PECAM1: variants seen among roughly 807,000 people sequenced by gnomAD.
PECAM1 encodes platelet and endothelial cell adhesion molecule 1, also known as platelet endothelial cell adhesion molecule.
Under a neutral mutation model 13.8 loss-of-function variants are expected in PECAM1, and 8 were observed. The ratio of observed to expected loss-of-function variants is 0.58; its 90% CI spans 0.34 to 1.05. The LOEUF is 1.05. Ranked by LOEUF, PECAM1 falls within the 50% of genes least tolerant of loss-of-function variation. The probability of loss-of-function intolerance (pLI) is 0.03; values close to 1 mark genes in which losing one functional copy is unlikely to be tolerated. For synonymous variants in PECAM1, 136 were observed against 52.6 expected (o/e 2.58, Z -6.86); for missense variants, 304 against 141.2 (o/e 2.15, Z -5.84).
intron 12 of PECAM1, among the ~76,000 whole-genome samples, chr17:64,349,623 G>A (rs1205418588): frequency 2.7e-5 from 4 of 146,646 alleles, no homozygotes; most frequent in Non-Finnish European, 6.0e-5. Flanking sequence ...GCAGTGGCTC[G>A]CGCCTGTAAT....
At chr17:64,352,587 G>A in intron 10 of PECAM1, 124 bp from the exon 11 acceptor site, 1 of 391,958 alleles carries the variant, frequency 2.6e-6, no homozygotes, top group East Asian at 3.7e-5. Flanking sequence ...AGTTTTCCAA[G>A]GTAAGGAAAA....
chr17:64,357,041 A>G, intron 7 of PECAM1, among the ~76,000 whole-genome samples: 1 of 152,050 alleles, frequency 6.6e-6, no homozygotes, highest in Admixed American at 6.6e-5. Context: ...CTCTTCCTCC[A>G]CGCTCCCAAT....
At chr17:64,335,138 T>A (rs1384666687) in intron 14 of PECAM1, among the ~76,000 whole-genome samples, 2 of 152,032 alleles carry the variant, frequency 1.3e-5, no homozygotes, top group African/African-American at 4.8e-5. Flanking sequence ...AAACTATTGA[T>A]GTTTTAATAA....
At chr17:64,324,042 T>C (rs2034875832) in intron 15 of PECAM1, 197 bp from the exon 16 acceptor site, 7 of 850,920 alleles carry the variant, frequency 8.2e-6, no homozygotes, top group Non-Finnish European at 1.9e-6. Flanking sequence ...CAGATACACG[T>C]GGCCCCTCAG....
chr17:64,385,125 A>AAAGTTT (rs2143909051), intron 2 of PECAM1, among the ~76,000 whole-genome samples: 1 of 152,334 alleles, frequency 6.6e-6, no homozygotes, highest in South Asian at 2.1e-4. Context: ...CTGAACCCAA[A>AAAGTTT]AAGTTTCAGG....
Position 64,380,914 on chromosome 17 carries a change from G to A in PECAM1, c.92-2797C>T, listed in dbSNP as rs934611403. On this transcript the variant is annotated intron_variant, in intron 2 of 15. Transcript: ENST00000563924. ...AGGCAGGGGAATCACTTGAACCTGG[G>A]AGGCACAGGTTGCAGTAAGTTGAGA... Among the ~76,000 whole-genome samples the A allele has an allele frequency of 8.5e-3, 1,299 of 152,240 alleles. 29 individuals are homozygous for A. Among genetic ancestry groups the A allele is most frequent in the African/African-American group, 0.029 (1,212 of 41,528 alleles).
rs1010947074 is a variant in PECAM1 at position 64,387,806 on chromosome 17, C to A, written c.91+2683G>T. On this transcript the variant is annotated intron_variant, in intron 2 of 15. Transcript: ENST00000563924. ...GAGGTGAGGCAGCTGCAGTGAGGTG[C>A]GGGCTGGAGGGGAACAAAGAGGCCT... Among the ~76,000 whole-genome samples the A allele has an allele frequency of 5.9e-5, 9 of 152,132 alleles. No individual in the cohort carries two copies. The South Asian group carries it at 1.9e-3, about 32-fold the overall frequency.
At chr17:64,384,737 A>C (rs916423979) in intron 2 of PECAM1, among the ~76,000 whole-genome samples, 5 of 152,100 alleles carry the variant, frequency 3.3e-5, no homozygotes, top group African/African-American at 1.2e-4. Flanking sequence ...GCACCACCCA[A>C]CTCAGCCACT....
intron 9 of PECAM1, among the ~76,000 whole-genome samples, chr17:64,354,435 C>G (rs1285099971): frequency 6.6e-6 from 1 of 152,108 alleles, no homozygotes; most frequent in Admixed American, 6.6e-5. Flanking sequence ...ACCAGAGGCT[C>G]CAAAAGAACC....
rs146132570 is a variant in PECAM1 at position 64,320,282 on chromosome 17, G to A, written c.*3534C>T. ...GACTCTCAAAGACTGAGTCAGGCCA[G>A]TGGGAGCCTGGCAGCAATTCTTAGG... On this transcript the variant is annotated 3_prime_UTR_variant, in exon 16 of 16. Coordinates refer to ENST00000563924, the MANE Select transcript of PECAM1 (RefSeq NM_000442.5). The A allele has an allele frequency of 4.2e-4, 64 of 152,490 alleles. No individual in the cohort carries two copies. The highest frequency in any genetic ancestry group is 1.4e-3 in the African/African-American group (58 of 41,578). The allele number at this position is 152,490 out of a possible 1,614,324, so 9.4% of individuals were successfully genotyped here. A position where few individuals can be genotyped will look rare whatever the true frequency, so the allele number is the denominator to read the frequency against.
chr17:64,335,433 A>G (rs982085553), intron 14 of PECAM1, among the ~76,000 whole-genome samples: 8 of 152,210 alleles, frequency 5.3e-5, no homozygotes, highest in African/African-American at 9.6e-5. Context: ...AAGTTCTCCA[A>G]TTATGCCGAT....
Position 64,360,367 on chromosome 17 carries a change from A to G in PECAM1, c.1265T>C (p.Ile422Thr), listed in dbSNP as rs2035944674. ...ACGGACTTCGATGGTCTGTCCTTTT[A>G]TGACCTCAAACTGGGCATCATAAGA... ...RISYDAQFEVIKGQTIEVRCE... is the reference protein window; with the variant it reads ...RISYDAQFEVTKGQTIEVRCE... Residue 422 changes from isoleucine (I) to threonine (T), a missense_variant, in exon 7 of 16, where the codon ATA (isoleucine) becomes ACA (threonine). Coordinates refer to ENST00000563924, the MANE Select transcript of PECAM1 (RefSeq NM_000442.5). The G allele has an allele frequency of 1.3e-5, 6 of 475,232 alleles. No individual in the cohort carries two copies. Among genetic ancestry groups the G allele is most frequent in the Non-Finnish European group, 2.3e-5 (6 of 259,056 alleles). The allele number at this position is 475,232 out of a possible 1,614,324, so 29.4% of individuals were successfully genotyped here.
intron 2 of PECAM1, among the ~76,000 whole-genome samples, chr17:64,381,337 G>C (rs1223928804): frequency 2.0e-5 from 3 of 152,114 alleles, no homozygotes; most frequent in Non-Finnish European, 4.4e-5. Context: ...GGATGCGTTT[G>C]TGCTAAATGG....
chr17:64,336,642 T>G (rs1205097348), intron 14 of PECAM1, among the ~76,000 whole-genome samples: 1 of 152,154 alleles, frequency 6.6e-6, no homozygotes, highest in Non-Finnish European at 1.5e-5. Flanking sequence ...CCCAGCACTT[T>G]GGGAGGCCAA....
rs2036030789 is a variant in PECAM1 at position 64,363,393 on chromosome 17, T to C, written c.972A>G (p.Leu324=). ...VSSIVVNITE[L]FSKPELESSF... is the part of the protein sequence containing the mutation. ...AAGATTCCAGTTCGGGCTTGGAAAATAGTTCTGAAAAACAGTGAGTGGGAA... is the reference window on the plus strand; with the variant it reads ...AAGATTCCAGTTCGGGCTTGGAAAACAGTTCTGAAAAACAGTGAGTGGGAA... The change falls in exon 6 of 16, where the codon CTA becomes CTG. Residue 324 remains leucine, a synonymous_variant. Coordinates refer to ENST00000563924, the MANE Select transcript of PECAM1 (RefSeq NM_000442.5). The C allele has an allele frequency of 4.2e-6, 2 of 475,312 alleles. No homozygotes were observed. The allele number at this position is 475,312 out of a possible 1,614,324, so 29.4% of individuals were successfully genotyped here.
chr17:64,324,651 C>T (rs1555645244), intron 15 of PECAM1, among the ~76,000 whole-genome samples: 1 of 152,184 alleles, frequency 6.6e-6, no homozygotes, highest in African/African-American at 2.4e-5. Flanking sequence ...AAGGACTGAA[C>T]TTAGATGGTC....
rs972514161 is a variant in PECAM1, at chr17:64,375,313, G to A, written c.429C>T (p.Ile143=). ...PRVTLDKKEA[I]QGGIVRVNCS... is the part of the protein sequence containing the mutation. Reference sequence around the variant, plus strand: ...AGTTGACCCTCACGATCCCACCTTGGATGGCCTCTTTCTTGTCCAGTGTCA... The same window carrying A: ...AGTTGACCCTCACGATCCCACCTTGAATGGCCTCTTTCTTGTCCAGTGTCA... The change falls in exon 4 of 16, where the codon ATC becomes ATT. Residue 143 remains isoleucine (I), a synonymous_variant. Transcript: ENST00000563924. The A allele has an allele frequency of 1.5e-4, 73 of 474,950 alleles. 1 individual carries two copies. The highest frequency in any genetic ancestry group is 1.2e-3 in the African/African-American group (61 of 50,594). 29.4% of individuals were successfully genotyped at this position (474,950 alleles called of 1,614,324 possible). A position where few individuals can be genotyped will look rare whatever the true frequency, so the allele number is the denominator to read the frequency against.
chr17:64,384,143 AAATT>A (rs2036542317), intron 2 of PECAM1, among the ~76,000 whole-genome samples: 2 of 152,188 alleles, frequency 1.3e-5, no homozygotes, highest in South Asian at 4.1e-4. Context: ...GAAAATAAAT[AAATT>A]AACAATAAAC....
chr17:64,367,163 A>G (rs1242397752), intron 5 of PECAM1, among the ~76,000 whole-genome samples: 1 of 152,148 alleles, frequency 6.6e-6, no homozygotes, highest in African/African-American at 2.4e-5. Context: ...CTAGGCACTG[A>G]GAGATAGCAG....
Sources: gnomAD v4.1 joint callset for allele counts (sites outside exome capture counted in the v4.1 genomes callset) on GRCh38, gnomAD v4.1.1 for gene constraint, MANE v1.5 for transcripts, NCBI Gene and HGNC (gene_info 2026-07-23, HGNC 2026-07-21) for gene names.